The following TMEM108 variants were observed in gnomAD, a reference collection of about 807,000 sequenced individuals.
The protein encoded by TMEM108 is transmembrane protein 108, also known as cancer/testis antigen 124.
In TMEM108, 12 loss-of-function variants were observed where a neutral mutation model predicts 35.1. The ratio of observed to expected loss-of-function variants is 0.34; its 90% CI spans 0.22 to 0.55. The LOEUF (loss-of-function observed/expected upper bound fraction) is 0.55, where lower values mean the gene tolerates loss of function less well. TMEM108 is among the 20% of genes least tolerant of loss of function. The pLI, the probability that TMEM108 is intolerant of heterozygous loss-of-function variation, is 0.89. For synonymous variants in TMEM108, 287 were observed against 308.6 expected (o/e 0.93, Z 0.73); for missense variants, 680 against 753.3 (o/e 0.90, Z 1.14).
intron 2 of TMEM108, among the ~76,000 whole-genome samples, chr3:133,178,322 T>G (rs1945271050): frequency 6.6e-6 from 1 of 152,122 alleles, no homozygotes; most frequent in Admixed American, 6.5e-5. Context: ...AAAGTTCATA[T>G]GGAACCAAAA....
intron 4 of TMEM108, among the ~76,000 whole-genome samples, chr3:133,383,786 A>G (rs79719860): frequency 0.034 from 5,141 of 152,262 alleles, 288 homozygotes; most frequent in African/African-American, 0.11. Context: ...TTCTAAAGAA[A>G]GACACAAACT....
intron 2 of TMEM108, among the ~76,000 whole-genome samples, chr3:133,179,647 G>C (rs1378243039): frequency 6.6e-6 from 1 of 151,844 alleles, no homozygotes; most frequent in African/African-American, 2.4e-5. Flanking sequence ...CACACACTGG[G>C]GCCTGTTGTG....
intron 3 of TMEM108, among the ~76,000 whole-genome samples, chr3:133,263,394 A>G (rs1192664442): frequency 6.6e-6 from 1 of 152,174 alleles, no homozygotes; most frequent in African/African-American, 2.4e-5. Flanking sequence ...CTACGTTTCT[A>G]TTCTATCCTG....
Position 133,267,762 on chromosome 3 carries a change from A to C in TMEM108, c.40+38411A>C, listed in dbSNP as rs1946719563. ...AAATCTTTTACTCATGTTGCAATGG[A>C]CAGGAGCCCTCCTCAGTTCTTTACC... On this transcript the variant is annotated intron_variant, in intron 3 of 5. Coordinates refer to ENST00000321871, the MANE Select transcript of TMEM108 (RefSeq NM_023943.4). 2.6e-5 allele frequency among the ~76,000 whole-genome samples: 4 copies of C among 152,198 alleles called. No homozygotes were observed. The South Asian group carries it at 8.3e-4, about 31-fold the overall frequency.
At chr3:133,342,555 T>TATATATATATATATATATATAC (rs60991711) in intron 3 of TMEM108, among the ~76,000 whole-genome samples, 28 of 63,436 alleles carry the variant, frequency 4.4e-4, no homozygotes, top group South Asian at 1.2e-3. Context: ...TATATATATA[T>TATATATATATATATATATATAC]ACACACACAC....
At chr3:133,341,973 G>A (rs2071672812) in intron 3 of TMEM108, among the ~76,000 whole-genome samples, 1 of 151,730 alleles carries the variant, frequency 6.6e-6, no homozygotes, top group South Asian at 2.1e-4. Flanking sequence ...ATTGAACTGG[G>A]CAAAAATTTC....
chr3:133,153,311 A>G (rs1427531371), intron 2 of TMEM108, among the ~76,000 whole-genome samples: 1 of 151,548 alleles, frequency 6.6e-6, no homozygotes, highest in Non-Finnish European at 1.5e-5. Flanking sequence ...ATCTGAGTTC[A>G]GTTGGCTCAA....
At chr3:133,265,071 A>G (rs1040915998) in intron 3 of TMEM108, among the ~76,000 whole-genome samples, 4 of 152,214 alleles carry the variant, frequency 2.6e-5, no homozygotes, top group Non-Finnish European at 4.4e-5. Flanking sequence ...GGTGACCAAG[A>G]TACTGAAATG....
chr3:133,326,804 G>C (rs2071338816), intron 3 of TMEM108, among the ~76,000 whole-genome samples: 1 of 152,184 alleles, frequency 6.6e-6, no homozygotes, highest in Admixed American at 6.5e-5. Flanking sequence ...ATTACTAACT[G>C]TGGAGCCTTT....
intron 2 of TMEM108, among the ~76,000 whole-genome samples, chr3:133,107,650 C>G (rs1448256032): frequency 1.3e-5 from 2 of 152,064 alleles, no homozygotes; most frequent in Non-Finnish European, 2.9e-5. Flanking sequence ...GTTAATTCAG[C>G]TGCCAAAAAA....
At chr3:133,133,156 T>TGCAGCAGCAGCA (rs56070524) in intron 2 of TMEM108, among the ~76,000 whole-genome samples, 2 of 150,960 alleles carry the variant, frequency 1.3e-5, no homozygotes, top group Non-Finnish European at 3.0e-5. Flanking sequence ...ACTTAGTTGA[T>TGCAGCAGCAGCA]GCAGCAGCAG....
intron 1 of TMEM108, 143 bp downstream of exon 1, chr3:133,038,578 T>A (rs1943234602): frequency 6.6e-6 from 1 of 152,446 alleles, no homozygotes; most frequent in Non-Finnish European, 1.5e-5. Context: ...CAGCCCCGGT[T>A]GCCTTGGTTT....
chr3:133,232,636 A>G (rs6439393), intron 3 of TMEM108, among the ~76,000 whole-genome samples: 15,886 of 152,282 alleles, frequency 0.1, 2,594 homozygotes, highest in African/African-American at 0.35. Flanking sequence ...ATAGTCACTG[A>G]GGCTTGTATG....
At chr3:133,106,796 A>T (rs1156469699) in intron 2 of TMEM108, among the ~76,000 whole-genome samples, 1 of 152,194 alleles carries the variant, frequency 6.6e-6, no homozygotes, top group Non-Finnish European at 1.5e-5. Context: ...CAAGTCTTCA[A>T]ATGATTACAG....
rs958941318 is a variant in TMEM108, at chr3:133,367,577, C to T, written c.41-12175C>T. Among the ~76,000 whole-genome samples the T allele has an allele frequency of 8.5e-5, 13 of 152,184 alleles. No homozygotes were observed. In the South Asian group the frequency reaches 1.7e-3, roughly 19 times the overall value. On this transcript the variant is annotated intron_variant, in intron 3 of 5. Transcript: ENST00000321871. ...TGTTTCGTTCCAGGCAAACTGGAGCCGGCAGTGAACCTTTGGCAACTGAGG... is the reference window on the plus strand; with the variant it reads ...TGTTTCGTTCCAGGCAAACTGGAGCTGGCAGTGAACCTTTGGCAACTGAGG...
Position 133,087,423 on chromosome 3 carries a change from C to T in TMEM108, c.-47+41403C>T, listed in dbSNP as rs1453803599. Among the ~76,000 whole-genome samples, 3 of 152,184 alleles carry T rather than the reference C, an allele frequency of 2.0e-5. No individual in the cohort carries two copies. In the East Asian group the frequency reaches 5.8e-4, roughly 29 times the overall value. On this transcript the variant is annotated intron_variant, in intron 2 of 5. Transcript: ENST00000321871. ...TGCTAACTTGCTTTGTTGTATAGCC[C>T]CAGTCTGGGAGATCAGACAGTGGTT...
At chr3:133,205,554 C>T (rs1308679984) in intron 2 of TMEM108, among the ~76,000 whole-genome samples, 2 of 152,144 alleles carry the variant, frequency 1.3e-5, no homozygotes, top group Admixed American at 6.6e-5. Flanking sequence ...ATTTCTCCTT[C>T]GCTTCTGAAG....
chr3:133,312,169 AG>A (rs897290885), intron 3 of TMEM108, among the ~76,000 whole-genome samples: 38 of 152,302 alleles, frequency 2.5e-4, no homozygotes, highest in Admixed American at 2.1e-3. Flanking sequence ...GGTATCTCCC[AG>A]TTAGGCTACA....
chr3:133,088,562 A>G (rs17294895), intron 2 of TMEM108, among the ~76,000 whole-genome samples: 13,101 of 152,196 alleles, frequency 0.086, 681 homozygotes, highest in East Asian at 0.12. Flanking sequence ...ACTAATTCTG[A>G]TTCATTTTTA....
Sources: gnomAD v4.1 joint callset for allele counts (sites outside exome capture counted in the v4.1 genomes callset) on GRCh38, gnomAD v4.1.1 for gene constraint, MANE v1.5 for transcripts, NCBI Gene and HGNC (gene_info 2026-07-23, HGNC 2026-07-21) for gene names.